FANCB: variants seen among roughly 807,000 people sequenced by gnomAD.
The protein encoded by FANCB is Fanconi anemia group B protein.
Under a neutral mutation model 38.9 loss-of-function variants are expected in FANCB, and 5 were observed. That is an observed-to-expected ratio of 0.13 (90% CI 0.07 to 0.27). The LOEUF (loss-of-function observed/expected upper bound fraction) is 0.27. FANCB is among the 10% of genes least tolerant of loss of function. The pLI, the probability that FANCB is intolerant of heterozygous loss-of-function variation, is 1.00. For synonymous variants in FANCB, 236 were observed against 215.4 expected (o/e 1.10, Z -0.84); for missense variants, 573 against 602.7 (o/e 0.95, Z 0.52).
At chrX:14,694,713 C>T in the FANCB span, among the ~76,000 whole-genome samples, 4 of 112,296 alleles carry the variant, frequency 3.6e-5, no homozygotes, top group African/African-American at 1.3e-4. Flanking sequence ...TTACTATGTG[C>T]CAGGCACTGT....
the FANCB span, among the ~76,000 whole-genome samples, chrX:14,773,012 G>A: frequency 9.0e-6 from 1 of 111,189 alleles, no homozygotes; most frequent in Non-Finnish European, 1.9e-5. Flanking sequence ...TTTTTCATGG[G>A]TTGAGCTGTT....
At chrX:14,717,139 C>T in the FANCB span, among the ~76,000 whole-genome samples, 1 of 110,806 alleles carries the variant, frequency 9.0e-6, no homozygotes, top group Non-Finnish European at 1.9e-5. Flanking sequence ...CTTCTTTATT[C>T]AACATTACTG....
the FANCB span, among the ~76,000 whole-genome samples, chrX:14,791,436 A>T: frequency 1.8e-5 from 2 of 111,827 alleles, no homozygotes; most frequent in East Asian, 5.6e-4. Flanking sequence ...CAGGCTGCTG[A>T]CACCTTGATC....
At chrX:14,690,656 T>C in the FANCB span, 1 of 898,960 alleles carries the variant, frequency 1.1e-6, no homozygotes, top group Non-Finnish European at 1.6e-6. Context: ...TCATAGTCTT[T>C]CTTTCTCTCT....
the FANCB span, among the ~76,000 whole-genome samples, chrX:14,822,458 GCCTGAGCT>G: frequency 9.1e-6 from 1 of 109,603 alleles, no homozygotes; most frequent in Non-Finnish European, 1.9e-5. Context: ...TCTCTAGCTT[GCCTGAGCT>G]CCTGACAGAA....
At chrX:14,831,298 G>C (rs2147368597), downstream of FANCB, among the ~76,000 whole-genome samples, 1 of 112,575 alleles carries the variant, frequency 8.9e-6, no homozygotes, top group African/African-American at 3.2e-5. Context: ...AAGGAAGTTA[G>C]AGTACTAGGG....
the FANCB span, among the ~76,000 whole-genome samples, chrX:14,804,370 A>C: frequency 1.8e-5 from 2 of 112,095 alleles, no homozygotes; most frequent in Middle Eastern, 4.6e-3. Flanking sequence ...CATTCTCAGC[A>C]AACTATCGCA....
the FANCB span, among the ~76,000 whole-genome samples, chrX:14,761,213 G>A: frequency 9.0e-6 from 1 of 110,936 alleles, no homozygotes. Context: ...ATGTTGCCCA[G>A]GCTGATCTCA....
At chrX:14,787,957 AGTATG>A in the FANCB span, among the ~76,000 whole-genome samples, 2 of 92,697 alleles carry the variant, frequency 2.2e-5, no homozygotes, top group Non-Finnish European at 4.2e-5. Flanking sequence ...CAGTGAGAAA[AGTATG>A]GTATGACTAA....
downstream of FANCB, among the ~76,000 whole-genome samples, chrX:14,832,782 T>C (rs986197153): frequency 2.7e-5 from 3 of 111,992 alleles, no homozygotes; most frequent in African/African-American, 6.5e-5. Context: ...TTCCATAACA[T>C]GTGGGGGGCC....
chrX:14,756,450 G>A, the FANCB span, among the ~76,000 whole-genome samples: 1 of 111,936 alleles, frequency 8.9e-6, no homozygotes, highest in Non-Finnish European at 1.9e-5. Flanking sequence ...GGATATATAA[G>A]CAACTCAACT....
chrX:14,690,602 T>C, the FANCB span: 1 of 521,009 alleles, frequency 1.9e-6, no homozygotes, highest in South Asian at 3.3e-5. Context: ...AATTAGGTTA[T>C]TTTGCTGCTC....
At chrX:14,872,961 G>A (rs1293611409) in intron 1 of FANCB, 25 bp downstream of exon 1, 1 of 116,678 alleles carries the variant, frequency 8.6e-6, no homozygotes, top group Non-Finnish European at 1.8e-5. Context: ...TCCTGGGAAG[G>A]GAAGACTCGC....
intron 5 of FANCB, among the ~76,000 whole-genome samples, chrX:14,853,900 T>C (rs1158446770): frequency 8.9e-6 from 1 of 112,439 alleles, no homozygotes; most frequent in Non-Finnish European, 1.9e-5. Flanking sequence ...TGATAGAAGT[T>C]GTTTCATTTC....
chrX:14,866,648 T>C (rs1169985603), intron 2 of FANCB, among the ~76,000 whole-genome samples: 1 of 111,791 alleles, frequency 8.9e-6, no homozygotes, highest in Admixed American at 9.5e-5. Context: ...TAAAAGAATA[T>C]CCTCAATATT....
the FANCB span, among the ~76,000 whole-genome samples, chrX:14,775,160 G>GTTTTTTTGTTT: frequency 2.9e-5 from 1 of 35,001 alleles, no homozygotes; most frequent in Non-Finnish European, 6.0e-5. Context: ...TTTCTCTAAT[G>GTTTTTTTGTTT]TTTTTTTTTT....
intron 7 of FANCB, among the ~76,000 whole-genome samples, chrX:14,849,742 T>G (rs909134362): frequency 1.3e-4 from 15 of 112,145 alleles, no homozygotes; most frequent in African/African-American, 4.5e-4. Context: ...TGTATGCTGT[T>G]TGATTATCTT....
chrX:14,758,657 T>C, the FANCB span, among the ~76,000 whole-genome samples: 774 of 111,911 alleles, frequency 6.9e-3, 8 homozygotes, highest in African/African-American at 0.024. Context: ...GAAAGTCATA[T>C]TCCTAGGGGA....
At chrX:14,788,898 C>T in the FANCB span, among the ~76,000 whole-genome samples, 5 of 111,216 alleles carry the variant, frequency 4.5e-5, no homozygotes, top group Admixed American at 9.6e-5. Flanking sequence ...CCCAGGGAAA[C>T]CATCCCTACC....
Sources: allele counts gnomAD v4.1 joint callset (sites outside exome capture counted in the v4.1 genomes callset), GRCh38; gene constraint gnomAD v4.1.1; transcripts MANE v1.5; gene names NCBI Gene and HGNC (gene_info 2026-07-23, HGNC 2026-07-21).